The following ZNF219 variants were observed in gnomAD, a reference collection of about 807,000 sequenced individuals.
ZNF219 encodes the protein zinc finger protein 219.
Under a neutral mutation model 54.4 loss-of-function variants are expected in ZNF219, and 17 were observed. The ratio of observed to expected loss-of-function variants is 0.31; its 90% CI spans 0.21 to 0.47. The LOEUF (loss-of-function observed/expected upper bound fraction) is 0.47. ZNF219 is among the 20% of genes least tolerant of loss of function. ZNF219 has a pLI of 1.00. For synonymous variants in ZNF219, 518 were observed against 476.4 expected (o/e 1.09, Z -1.14); for missense variants, 1,014 against 1,062.3 (o/e 0.95, Z 0.63).
rs1180047868 is a variant in ZNF219, at chr14:21,090,393, C to T, written c.*143G>A. On this transcript the variant is annotated 3_prime_UTR_variant, in exon 5 of 5. Coordinates refer to ENST00000360947, the MANE Select transcript of ZNF219 (RefSeq NM_016423.3). This position sits in a 1 kb window ranked among gnomAD's most constrained non-coding sequence, Gnocchi z 4.4. ...TACCGCCAGCCCACCCTCCTACGCC[C>T]GCCGCGCCTTCCACCTCTGGTCCGC... is the stretch of plus-strand genomic sequence containing the variant. 7 of 1,176,902 alleles carry T rather than the reference C, an allele frequency of 5.9e-6. No individual in the cohort carries two copies. The highest frequency in any genetic ancestry group is 8.3e-6 in the Non-Finnish European group (7 of 846,824). 72.9% of individuals were successfully genotyped at this position (1,176,902 alleles called of 1,614,324 possible). A position where few individuals can be genotyped will look rare whatever the true frequency, so the allele number is the denominator to read the frequency against.
In ZNF219 at chr14:21,090,553, C is replaced by G. The variant is rs745442292; in HGVS notation, c.2152G>C (p.Gly718Arg). 3.1e-6 allele frequency: 5 copies of G among 1,598,960 alleles called. No homozygotes were observed. Among genetic ancestry groups the G allele is most frequent in the Non-Finnish European group, 4.3e-6 (5 of 1,170,122 alleles). Residue 718 changes from glycine (G) to arginine (R), a missense_variant, in exon 5 of 5, where the codon GGG becomes CGG. By Grantham distance (125) the Gly-to-Arg change is moderately radical (BLOSUM62 -2). Coordinates refer to ENST00000360947, the MANE Select transcript of ZNF219 (RefSeq NM_016423.3). This position sits in a 1 kb window ranked among gnomAD's most constrained non-coding sequence, Gnocchi z 4.4. Reference sequence around the variant, plus strand: ...AGGGCCCACTACCGTTCTTGCCCCCCCAGCCCTGCCTCTCCGGGTCTGGAC... The same window carrying G: ...AGGGCCCACTACCGTTCTTGCCCCCGCAGCCCTGCCTCTCCGGGTCTGGAC... ...GLSRPGEAGLGGQER is the reference protein window; with the variant it reads ...GLSRPGEAGLRGQER
chr14:21,091,848 G>A lies in ZNF219; in HGVS notation c.1432+17C>T, dbSNP rs77712292. ...GGAGGACGCGGCGTACCCGGAGAGC[G>A]GAGGGTACCTACATACCCTGCGTGG... On this transcript the variant is annotated intron_variant, in intron 3 of 4. Coordinates refer to ENST00000360947, the MANE Select transcript of ZNF219 (RefSeq NM_016423.3). The A allele has an allele frequency of 2.6e-3, 3,908 of 1,500,278 alleles. 88 individuals carry two copies. The African/African-American group carries it at 0.047, about 18-fold the overall frequency. 92.9% of individuals were successfully genotyped at this position (1,500,278 alleles called of 1,614,324 possible). A position where few individuals can be genotyped will look rare whatever the true frequency, so the allele number is the denominator to read the frequency against.
chr14:21,094,569 G>A, intron 1 of ZNF219: 1 of 372,916 alleles, frequency 2.7e-6, no homozygotes, highest in Non-Finnish European at 5.3e-6. Context: ...GTGAGGGACG[G>A]GGGGCGGGGC....
At chr14:21,094,337 G>A (rs1209393332) in intron 1 of ZNF219, 2 of 455,184 alleles carry the variant, frequency 4.4e-6, no homozygotes, top group African/African-American at 4.0e-5. Flanking sequence ...TGGGGGAGGA[G>A]TGGAAGTTAA....
chr14:21,101,467 C>G, upstream of ZNF219: 1 of 1,548,238 alleles, frequency 6.5e-7, no homozygotes, highest in East Asian at 2.4e-5. Flanking sequence ...GCCAGGCTAC[C>G]CCATCCCAGG....
Position 21,092,611 on chromosome 14 carries a change from T to C in ZNF219, c.686A>G (p.Gln229Arg). 2.1e-6 allele frequency: 3 copies of C among 1,444,112 alleles called. No individual in the cohort carries two copies. Among genetic ancestry groups the C allele is most frequent in the Non-Finnish European group, 2.8e-6 (3 of 1,062,820 alleles). The allele number at this position is 1,444,112 out of a possible 1,614,324, so 89.5% of individuals were successfully genotyped here. A position where few individuals can be genotyped will look rare whatever the true frequency, so the allele number is the denominator to read the frequency against. The part of the protein sequence containing the change: ...LAATSAAPPP[Q>R]PQPQPPPQPE... ...CTGGGGTGGAGGCTGAGGCTGAGGC[T>C]GAGGCGGAGGCGCAGCGGAGGTGGC... The change falls in exon 3 of 5, where the codon CAG becomes CGG. Residue 229 changes from glutamine (Q) to arginine (R), a missense_variant. By Grantham distance (43) the Gln-to-Arg change is conservative. Around this residue, in one of 5 missense-constraint regions of ZNF219, gnomAD observed 395 missense variants for 415.1 expected, o/e 0.95. Coordinates refer to ENST00000360947, the MANE Select transcript of ZNF219 (RefSeq NM_016423.3).
In ZNF219 at chr14:21,091,397, G is replaced by A. The variant is rs369892005; in HGVS notation, c.1564+14C>T. On this transcript the variant is annotated intron_variant, in intron 4 of 4. Transcript: ENST00000360947. ...CCCCAGTCCCCTCTCCACGCCGGAGGCTGCCTCCCTCACCTGTGTGCACTC... is the reference window on the plus strand; with the variant it reads ...CCCCAGTCCCCTCTCCACGCCGGAGACTGCCTCCCTCACCTGTGTGCACTC... 1.9e-6 allele frequency: 3 copies of A among 1,586,298 alleles called. No homozygotes were observed. Among genetic ancestry groups the A allele is most frequent in the Middle Eastern group, 1.7e-4 (1 of 5,974 alleles).
rs760228866 is a variant in ZNF219 at position 21,092,749 on chromosome 14, T to C, written c.548A>G (p.His183Arg). ...GCACTTCCAGGGCCTATGCAGGATG[T>C]GCAGGTGGCGTTCGCGCTCCGCCGA... ...RTSAERERHL[H>R]ILHRPWKCGL... The change falls in exon 3 of 5, where the codon CAC (histidine) becomes CGC (arginine). Residue 183 changes from histidine to arginine, a missense_variant. His to Arg is a conservative substitution (Grantham distance 29). This residue lies in a region of ZNF219 where 395 missense variants were observed against 415.1 expected (regional missense o/e 0.95). Coordinates refer to ENST00000360947, the MANE Select transcript of ZNF219 (RefSeq NM_016423.3). 6.3e-7 allele frequency: 1 copy of C among 1,583,004 alleles called. No individual in the cohort carries two copies. The highest frequency in any genetic ancestry group is 1.8e-5 in the Admixed American group (1 of 54,708).
intron 1 of ZNF219, among the ~76,000 whole-genome samples, chr14:21,095,643 AC>A (rs1239766710): frequency 6.6e-6 from 1 of 152,226 alleles, no homozygotes; most frequent in African/African-American, 2.4e-5. Context: ...CACAGAAGCC[AC>A]TTGGGCCACC....
At chr14:21,103,499 C>G, upstream of ZNF219, 1 of 556,262 alleles carries the variant, frequency 1.8e-6, no homozygotes, top group South Asian at 2.2e-5. Flanking sequence ...CCTCCCCATA[C>G]AGCTTCACAT....
upstream of ZNF219, among the ~76,000 whole-genome samples, chr14:21,099,431 G>A (rs2139337291): frequency 6.6e-6 from 1 of 152,292 alleles, no homozygotes; most frequent in South Asian, 2.1e-4. Context: ...GGGAATTGAG[G>A]AGGAGTAGAC....
chr14:21,091,851 G>A lies in ZNF219; in HGVS notation c.1432+14C>T. On this transcript the variant is annotated intron_variant, in intron 3 of 4. Coordinates refer to ENST00000360947, the MANE Select transcript of ZNF219 (RefSeq NM_016423.3). ...GGACGCGGCGTACCCGGAGAGCGGAGGGTACCTACATACCCTGCGTGGCGG... is the reference window on the plus strand; with the variant it reads ...GGACGCGGCGTACCCGGAGAGCGGAAGGTACCTACATACCCTGCGTGGCGG... The A allele has an allele frequency of 6.6e-7, 1 of 1,505,660 alleles. No homozygotes were observed. The highest frequency in any genetic ancestry group is 8.8e-7 in the Non-Finnish European group (1 of 1,132,658). 93.3% of individuals were successfully genotyped at this position (1,505,660 alleles called of 1,614,324 possible). A position where few individuals can be genotyped will look rare whatever the true frequency, so the allele number is the denominator to read the frequency against.
rs1727499382 is a variant in ZNF219, at chr14:21,092,666, C to T, written c.631G>A (p.Ala211Thr). Reference sequence around the variant, plus strand: ...AGGGGACGCTCGGGAGCCCCGTGGGCCGTCAGGCTGTGGTGCAGCAGCTCC... The same window carrying T: ...AGGGGACGCTCGGGAGCCCCGTGGGTCGTCAGGCTGTGGTGCAGCAGCTCC... ...EEELLHHSLTAHGAPERPLAA... is the reference protein window; with the variant it reads ...EEELLHHSLTTHGAPERPLAA... Residue 211 changes from alanine to threonine, a missense_variant, in exon 3 of 5, where the codon GCC becomes ACC. Physicochemically the swap from Ala to Thr is moderately conservative, Grantham distance 58. Around this residue, in one of 5 missense-constraint regions of ZNF219, gnomAD observed 395 missense variants for 415.1 expected, o/e 0.95. Transcript: ENST00000360947. 6.4e-7 allele frequency: 1 copy of T among 1,571,808 alleles called. No homozygotes were observed.
At chr14:21,093,975 C>A (rs772733798) in intron 1 of ZNF219, 19 of 383,990 alleles carry the variant, frequency 4.9e-5, no homozygotes, top group Non-Finnish European at 8.5e-5. Context: ...ACAATATGCC[C>A]CTCTCCCATG....
chr14:21,100,773 A>G (rs968338641), upstream of ZNF219, among the ~76,000 whole-genome samples: 33 of 152,270 alleles, frequency 2.2e-4, no homozygotes, highest in African/African-American at 7.7e-4. Context: ...ACCAATCCAG[A>G]CAGAAAGTAG....
chr14:21,091,869 C>G lies in ZNF219; in HGVS notation c.1428G>C (p.Thr476=). Reference sequence around the variant, plus strand: ...GAGCGGAGGGTACCTACATACCCTGCGTGGCGGTCGATCTTGCCTGGGCCC... The same window carrying G: ...GAGCGGAGGGTACCTACATACCCTGGGTGGCGGTCGATCTTGCCTGGGCCC... ...AAGAQARSTA[T]QEENGLLVGG... is the part of the protein sequence containing the mutation. Residue 476 remains threonine, a synonymous_variant, in exon 3 of 5, where the codon ACG becomes ACC. Transcript: ENST00000360947. 6.5e-7 allele frequency: 1 copy of G among 1,546,390 alleles called. No homozygotes were observed. The highest frequency in any genetic ancestry group is 8.7e-7 in the Non-Finnish European group (1 of 1,152,640).
chr14:21,093,227 G>C lies in ZNF219; in HGVS notation c.70C>G (p.Leu24Val), dbSNP rs2139307776. 1 of 1,603,040 alleles carries C rather than the reference G, an allele frequency of 6.2e-7. No homozygotes were observed. The highest frequency in any genetic ancestry group is 1.1e-5 in the South Asian group (1 of 90,930). ...CCGTTGGAGTATCGCTGCAGATCCAGCTCGCCGTCGAAAGCCGGCGGCGAC... is the reference window on the plus strand; with the variant it reads ...CCGTTGGAGTATCGCTGCAGATCCACCTCGCCGTCGAAAGCCGGCGGCGAC... Reference protein sequence around the residue: ...APSPPAFDGELDLQRYSNGPA... With the variant: ...APSPPAFDGEVDLQRYSNGPA... Residue 24 changes from leucine (L) to valine (V), a missense_variant, in exon 3 of 5, where the codon CTG (leucine) becomes GTG (valine). Leu to Val is a conservative substitution (Grantham distance 32). Coordinates refer to ENST00000360947, the MANE Select transcript of ZNF219 (RefSeq NM_016423.3).
chr14:21,101,268 T>A, upstream of ZNF219: 1 of 1,356,702 alleles, frequency 7.4e-7, no homozygotes, highest in South Asian at 1.3e-5. Context: ...TTGCATGTCC[T>A]GTCTCCTAAT....
chr14:21,102,531 G>A, upstream of ZNF219: 4 of 1,551,758 alleles, frequency 2.6e-6, no homozygotes, highest in Non-Finnish European at 3.5e-6. Flanking sequence ...GGTCAATGAA[G>A]GAGAAGGTGG....
Sources: allele counts gnomAD v4.1 joint callset (sites outside exome capture counted in the v4.1 genomes callset), GRCh38; gene constraint gnomAD v4.1.1; regional missense constraint gnomAD v4.1.1; non-coding constraint Gnocchi (gnomAD v3.1); transcripts MANE v1.5; gene names NCBI Gene and HGNC (gene_info 2026-07-23, HGNC 2026-07-21).